SHCBP1: variants seen among roughly 807,000 people sequenced by gnomAD.
SHCBP1 encodes the protein SHC SH2 domain-binding protein 1.
Under a neutral mutation model 75.1 loss-of-function variants are expected in SHCBP1, and 60 were observed. The ratio of observed to expected loss-of-function variants is 0.80; its 90% confidence interval spans 0.65 to 0.99. The LOEUF (loss-of-function observed/expected upper bound fraction) is 0.99. SHCBP1 is among the 50% of genes least tolerant of loss of function. The pLI is 0.00. For synonymous variants in SHCBP1, 290 were observed against 293.2 expected (o/e 0.99, Z 0.11); for missense variants, 709 against 809.4 (o/e 0.88, Z 1.50).
intron 4 of SHCBP1, among the ~76,000 whole-genome samples, chr16:46,613,695 C>A (rs575434163): frequency 6.6e-6 from 1 of 152,232 alleles, no homozygotes; most frequent in Non-Finnish European, 1.5e-5. Context: ...GCACTCACTG[C>A]TATTTCCAAT....
intron 10 of SHCBP1, among the ~76,000 whole-genome samples, chr16:46,592,849 C>T (rs1258123898): frequency 1.4e-5 from 2 of 145,418 alleles, no homozygotes; most frequent in African/African-American, 2.5e-5. Context: ...AAAAATCATG[C>T]GATCATATCA....
At position 46,595,584 on chromosome 16, in the gene SHCBP1, G is replaced by A; in HGVS notation, c.1432C>T (p.Leu478=). The change falls in exon 10 of 13, where the codon CTA becomes TTA. Residue 478 remains leucine, a synonymous_variant. Transcript: ENST00000303383. Reference sequence around the variant, plus strand: ...CCATATAAATCCGAGTTCTTCATTAGAAACTCTGCTGATGTCCGCACTGTG... The same window carrying A: ...CCATATAAATCCGAGTTCTTCATTAAAAACTCTGCTGATGTCCGCACTGTG... The part of the protein sequence containing the change: ...GVTVRTSAEF[L]MKNSDLYGAK... 6.2e-7 allele frequency: 1 copy of A among 1,614,126 alleles called. No individual in the cohort carries two copies. The highest frequency in any genetic ancestry group is 8.5e-7 in the Non-Finnish European group (1 of 1,180,012).
intron 10 of SHCBP1, among the ~76,000 whole-genome samples, chr16:46,587,740 C>T (rs1290377401): frequency 1.3e-5 from 2 of 152,134 alleles, no homozygotes; most frequent in Admixed American, 6.6e-5. Context: ...CCACTGTCAA[C>T]ATTAGACAGA....
chr16:46,582,907 A>G (rs1442484457), intron 12 of SHCBP1, among the ~76,000 whole-genome samples: 2 of 152,224 alleles, frequency 1.3e-5, no homozygotes, highest in Admixed American at 6.5e-5. Flanking sequence ...CCTCACCTAC[A>G]TCAAAGCTTA....
chr16:46,586,733 A>C lies in SHCBP1; in HGVS notation c.1465-2644T>G, dbSNP rs542606667. ...AATTAAAATTTTATGCCTTACCTATAGGAGAGAAAATGTGATTGACAGCAT... is the reference window on the plus strand; with the variant it reads ...AATTAAAATTTTATGCCTTACCTATCGGAGAGAAAATGTGATTGACAGCAT... On this transcript the variant is annotated intron_variant, in intron 10 of 12. Coordinates refer to ENST00000303383, the MANE Select transcript of SHCBP1 (RefSeq NM_024745.5). Among the ~76,000 whole-genome samples, 4 of 152,326 alleles carry C rather than the reference A, an allele frequency of 2.6e-5. No homozygotes were observed. The South Asian group carries it at 8.3e-4, about 32-fold the overall frequency.
chr16:46,589,210 A>G (rs531222124), intron 10 of SHCBP1, among the ~76,000 whole-genome samples: 2 of 152,348 alleles, frequency 1.3e-5, no homozygotes, highest in South Asian at 4.1e-4. Flanking sequence ...CCCACAGCCA[A>G]TATCATAATC....
chr16:46,590,415 C>T (rs909798720), intron 10 of SHCBP1, among the ~76,000 whole-genome samples: 1 of 152,142 alleles, frequency 6.6e-6, no homozygotes, highest in Non-Finnish European at 1.5e-5. Context: ...ACAATCTACC[C>T]ATCTGACAGA....
At chr16:46,583,471 A>T (rs774197599) in intron 12 of SHCBP1, 45 bp downstream of exon 12, 14 of 1,556,132 alleles carry the variant, frequency 9.0e-6, no homozygotes, top group Non-Finnish European at 8.6e-6. Context: ...TTTAATGCTG[A>T]AATAAATTAT....
chr16:46,618,452 C>G, intron 1 of SHCBP1, 80 bp from the exon 2 acceptor site: 2 of 1,386,184 alleles, frequency 1.4e-6, no homozygotes, highest in Non-Finnish European at 1.9e-6. Context: ...CATAGAAATC[C>G]CAAACAAAAT....
In SHCBP1 at chr16:46,583,999, T is replaced by G; in HGVS notation, c.1551+4A>C. 1 of 1,602,528 alleles carries G rather than the reference T, an allele frequency of 6.2e-7. No individual in the cohort carries two copies. Among genetic ancestry groups the G allele is most frequent in the Non-Finnish European group, 8.5e-7 (1 of 1,173,438 alleles). ...GAAAAGTGGGTGTTTTGGCTGATGC[T>G]CACCTTAATGAGGATCCCTTCCTTG... is the stretch of plus-strand genomic sequence containing the variant. On this transcript the variant is annotated splice_donor_region_variant and intron_variant, in intron 11 of 12. Transcript: ENST00000303383.
chr16:46,581,640 G>A lies in SHCBP1; in HGVS notation c.*89C>T. On this transcript the variant is annotated 3_prime_UTR_variant, in exon 13 of 13. Transcript: ENST00000303383. ...CCCAAATAATCAAATATAAAATACAGACAATACAGCAAACTACAATGGCAG... is the reference window on the plus strand; with the variant it reads ...CCCAAATAATCAAATATAAAATACAAACAATACAGCAAACTACAATGGCAG... 1 of 1,193,828 alleles carries A rather than the reference G, an allele frequency of 8.4e-7. No homozygotes were observed. The highest frequency in any genetic ancestry group is 1.2e-6 in the Non-Finnish European group (1 of 838,300). The allele number at this position is 1,193,828 out of a possible 1,614,324, so 74.0% of individuals were successfully genotyped here. A position where few individuals can be genotyped will look rare whatever the true frequency, so the allele number is the denominator to read the frequency against.
chr16:46,608,537 A>G (rs1302965286), intron 4 of SHCBP1, 148 bp from the exon 5 acceptor site: 2 of 592,540 alleles, frequency 3.4e-6, no homozygotes, highest in Non-Finnish European at 5.9e-6. Flanking sequence ...CATGAGTCAC[A>G]CAACATAGAG....
At chr16:46,588,355 C>T (rs1158127496) in intron 10 of SHCBP1, among the ~76,000 whole-genome samples, 1 of 151,682 alleles carries the variant, frequency 6.6e-6, no homozygotes, top group Admixed American at 6.6e-5. Context: ...CACAAAAAAC[C>T]CTTCAAAAAA....
intron 8 of SHCBP1, among the ~76,000 whole-genome samples, chr16:46,600,583 T>G (rs1273246405): frequency 6.6e-6 from 1 of 152,238 alleles, no homozygotes; most frequent in African/African-American, 2.4e-5. Flanking sequence ...CTAATATAAA[T>G]TACATTTGAA....
chr16:46,589,907 T>C (rs1288886880), intron 10 of SHCBP1, among the ~76,000 whole-genome samples: 1 of 152,208 alleles, frequency 6.6e-6, no homozygotes, highest in Non-Finnish European at 1.5e-5. Context: ...TCACGCTACC[T>C]GACTTCAAAC....
At position 46,584,012 on chromosome 16, in the gene SHCBP1, G is replaced by T; in HGVS notation, c.1542C>A (p.Ile514=). 6.2e-7 allele frequency: 1 copy of T among 1,605,928 alleles called. No homozygotes were observed. The highest frequency in any genetic ancestry group is 1.7e-5 in the Admixed American group (1 of 59,162). The change falls in exon 11 of 13, where the codon ATC becomes ATA. Residue 514 remains isoleucine (I), a synonymous_variant. Coordinates refer to ENST00000303383, the MANE Select transcript of SHCBP1 (RefSeq NM_024745.5). ...DNGIHHCKEG[I]LIKDFLDEHY... is the part of the protein sequence containing the mutation. ...TTTGGCTGATGCTCACCTTAATGAG[G>T]ATCCCTTCCTTGCAGTGATGGATCC... is the stretch of plus-strand genomic sequence containing the variant.
At position 46,618,361 on chromosome 16, in the gene SHCBP1, C is replaced by A; in HGVS notation, c.115G>T (p.Asp39Tyr). ...CTACAATCACTGCATGAATCTTCAT[C>A]TTGGAACAAACCTAAAAAAAAAAAG... ...LASLEKGLFQ[D>Y]EDSCSDCSYR... Residue 39 changes from aspartate to tyrosine, a missense_variant, in exon 2 of 13, where the codon GAT becomes TAT. Transcript: ENST00000303383. The A allele has an allele frequency of 1.3e-6, 2 of 1,590,018 alleles. No homozygotes were observed. Among genetic ancestry groups the A allele is most frequent in the Non-Finnish European group, 1.7e-6 (2 of 1,172,624 alleles).
intron 10 of SHCBP1, among the ~76,000 whole-genome samples, chr16:46,592,360 C>T (rs1396211852): frequency 1.3e-5 from 2 of 152,034 alleles, no homozygotes; most frequent in African/African-American, 4.8e-5. Context: ...AAGTAGTAGT[C>T]CAATACCACA....
At chr16:46,619,664 T>G (rs539882180) in intron 1 of SHCBP1, among the ~76,000 whole-genome samples, 2 of 152,322 alleles carry the variant, frequency 1.3e-5, no homozygotes, top group South Asian at 2.1e-4. Context: ...TCAGCACCAT[T>G]CTTTTTTTTT....
Sources: allele counts gnomAD v4.1 joint callset (sites outside exome capture counted in the v4.1 genomes callset), GRCh38; gene constraint gnomAD v4.1.1; transcripts MANE v1.5; gene names NCBI Gene and HGNC (gene_info 2026-07-23, HGNC 2026-07-21).